Variants in TENM3 observed in about 807,000 individuals in gnomAD.
TENM3 encodes teneurin-3.
A neutral mutation model predicts 255.1 loss-of-function variants in TENM3; 63 were observed. That is an observed-to-expected ratio of 0.25 (90% confidence interval 0.20 to 0.30). The LOEUF (loss-of-function observed/expected upper bound fraction) is 0.30. Ranked by LOEUF, TENM3 falls within the 10% of genes least tolerant of loss-of-function variation. The pLI, the probability that TENM3 is intolerant of heterozygous loss-of-function variation, is 1.00. For synonymous variants in TENM3, 1,306 were observed against 1,322.3 expected (o/e 0.99, Z 0.27); for missense variants, 2,929 against 3,461.1 (o/e 0.85, Z 3.86).
At chr4:182,716,839 C>CT (rs1759219946) in intron 13 of TENM3, among the ~76,000 whole-genome samples, 1 of 152,136 alleles carries the variant, frequency 6.6e-6, no homozygotes, top group African/African-American at 2.4e-5. Context: ...GATCCATTGT[C>CT]TAAGTTTAGT....
At chr4:181,853,563 T>C in the TENM3 span, among the ~76,000 whole-genome samples, 2 of 152,256 alleles carry the variant, frequency 1.3e-5, no homozygotes, top group Non-Finnish European at 2.9e-5. Flanking sequence ...GGTGAAGAGA[T>C]ACTTATGACA....
At chr4:181,917,073 T>C in the TENM3 span, among the ~76,000 whole-genome samples, 2 of 152,204 alleles carry the variant, frequency 1.3e-5, no homozygotes, top group African/African-American at 4.8e-5. Flanking sequence ...CTATGCATTC[T>C]TTATAGAACA....
intron 6 of TENM3, among the ~76,000 whole-genome samples, chr4:182,654,285 G>A (rs1382593576): frequency 1.3e-5 from 2 of 152,090 alleles, no homozygotes; most frequent in Admixed American, 6.6e-5. Context: ...TATTATAAAA[G>A]CATTTAAATG....
At chr4:182,222,758 A>G (rs1032611993) in intron 1 of TENM3, among the ~76,000 whole-genome samples, 22 of 152,124 alleles carry the variant, frequency 1.4e-4, no homozygotes, top group African/African-American at 4.8e-4. Flanking sequence ...TTTTATTAGT[A>G]CATTTTAATT....
chr4:182,472,210 A>G (rs545898031), intron 3 of TENM3, among the ~76,000 whole-genome samples: 114 of 152,152 alleles, frequency 7.5e-4, no homozygotes, highest in Middle Eastern at 3.4e-3. Context: ...TATTTCTTTC[A>G]TGATTAGCAA....
At chr4:182,050,618 A>T in the TENM3 span, among the ~76,000 whole-genome samples, 1 of 152,180 alleles carries the variant, frequency 6.6e-6, no homozygotes, top group Non-Finnish European at 1.5e-5. Flanking sequence ...AGCCTGGACA[A>T]CGTGGCAAAA....
intron 24 of TENM3, among the ~76,000 whole-genome samples, chr4:182,783,790 CTTCATTTCA>C (rs1303634524): frequency 3.3e-5 from 5 of 152,142 alleles, no homozygotes; most frequent in African/African-American, 1.2e-4. Context: ...TCCCTTCTCG[CTTCATTTCA>C]TTCATTTCAT....
At chr4:182,700,173 A>G (rs938360728) in intron 12 of TENM3, among the ~76,000 whole-genome samples, 1 of 152,192 alleles carries the variant, frequency 6.6e-6, no homozygotes, top group African/African-American at 2.4e-5. Context: ...GAGGCTTTGA[A>G]GTAATATTCC....
the TENM3 span, among the ~76,000 whole-genome samples, chr4:181,910,654 G>GTGTGTGTGTA: frequency 5.4e-5 from 8 of 148,884 alleles, no homozygotes; most frequent in African/African-American, 2.0e-4. Context: ...GTGTGTGTGT[G>GTGTGTGTGTA]TATTTTAGAG....
the TENM3 span, among the ~76,000 whole-genome samples, chr4:181,701,547 TTGAAATAAATCAGTTTCTCAGTC>T: frequency 0.42 from 64,319 of 151,360 alleles, 14,935 homozygotes; most frequent in East Asian, 0.61. Flanking sequence ...GTTGCCTGGT[TTGAAATAAATCAGTTTCTCAGTC>T]TGAAATAAAT....
chr4:182,602,442 T>A (rs986298781), intron 4 of TENM3, among the ~76,000 whole-genome samples: 1 of 152,212 alleles, frequency 6.6e-6, no homozygotes, highest in Non-Finnish European at 1.5e-5. Flanking sequence ...ATTAGGTATA[T>A]GGTCTCAACC....
chr4:181,887,242 G>A, the TENM3 span, among the ~76,000 whole-genome samples: 2 of 139,192 alleles, frequency 1.4e-5, no homozygotes, highest in Admixed American at 7.6e-5. Context: ...ATCTTTACAC[G>A]TACCTGTGTG....
chr4:181,950,898 C>G, the TENM3 span, among the ~76,000 whole-genome samples: 2 of 152,134 alleles, frequency 1.3e-5, no homozygotes, highest in Admixed American at 6.5e-5. Flanking sequence ...CAAAATTAGC[C>G]AGGCATGGTA....
chr4:181,475,599 C>A, the TENM3 span, among the ~76,000 whole-genome samples: 1 of 152,122 alleles, frequency 6.6e-6, no homozygotes, highest in Non-Finnish European at 1.5e-5. Flanking sequence ...AAAAATAATC[C>A]TTTTTGTGCC....
At chr4:181,570,532 G>GGAAA in the TENM3 span, among the ~76,000 whole-genome samples, 1 of 123,410 alleles carries the variant, frequency 8.1e-6, no homozygotes, top group Non-Finnish European at 1.7e-5. Flanking sequence ...AATGAACGAA[G>GGAAA]GAAAGAAAGA....
chr4:182,606,940 G>C (rs1035695424), intron 4 of TENM3, among the ~76,000 whole-genome samples: 3 of 152,138 alleles, frequency 2.0e-5, no homozygotes, highest in Non-Finnish European at 4.4e-5. Context: ...ACAGTTTAGC[G>C]TCATGAGAAA....
chr4:182,497,076 A>G (rs1187719420), intron 3 of TENM3, among the ~76,000 whole-genome samples: 1 of 150,130 alleles, frequency 6.7e-6, no homozygotes, highest in African/African-American at 2.5e-5. Flanking sequence ...TTTTTTTGAG[A>G]CGGAGTCTTG....
intron 3 of TENM3, among the ~76,000 whole-genome samples, chr4:182,451,755 A>G (rs1199238858): frequency 6.6e-6 from 1 of 152,232 alleles, no homozygotes; most frequent in African/African-American, 2.4e-5. Context: ...AAAAGATTTA[A>G]CAAGACTCAT....
At chr4:182,263,600 C>G (rs1272665352) in intron 1 of TENM3, among the ~76,000 whole-genome samples, 1 of 150,822 alleles carries the variant, frequency 6.6e-6, no homozygotes, top group Non-Finnish European at 1.5e-5. Context: ...ATTCCCCCCC[C>G]TACCTTCACG....
Sources: allele counts gnomAD v4.1 joint callset (sites outside exome capture counted in the v4.1 genomes callset), GRCh38; gene constraint gnomAD v4.1.1; transcripts MANE v1.5; gene names NCBI Gene and HGNC (gene_info 2026-07-23, HGNC 2026-07-21).